PRKAG2: variants seen among roughly 807,000 people sequenced by gnomAD.
PRKAG2 encodes protein kinase AMP-activated non-catalytic subunit gamma 2.
PRKAG2 carries 26 observed loss-of-function variants against 69.6 expected under a neutral mutation model. That is an observed-to-expected ratio of 0.37 (90% confidence interval 0.27 to 0.52). PRKAG2 has a LOEUF of 0.52. Ranked by LOEUF, PRKAG2 falls within the 20% of genes least tolerant of loss-of-function variation. The pLI, the probability that PRKAG2 is intolerant of heterozygous loss-of-function variation, is 0.90. For synonymous variants in PRKAG2, 293 were observed against 285.0 expected (o/e 1.03, Z -0.28); for missense variants, 557 against 740.0 (o/e 0.75, Z 2.87).
chr7:151,707,460 C>A (rs1243586845), intron 3 of PRKAG2, among the ~76,000 whole-genome samples: 1 of 152,128 alleles, frequency 6.6e-6, no homozygotes, highest in Non-Finnish European at 1.5e-5. Flanking sequence ...TTCTTCCCGC[C>A]CTTGAGCCTG....
At chr7:151,762,626 G>A (rs548823712) in intron 3 of PRKAG2, among the ~76,000 whole-genome samples, 6 of 152,300 alleles carry the variant, frequency 3.9e-5, no homozygotes, top group East Asian at 1.9e-4. Flanking sequence ...ACTAGCCCAC[G>A]CACATCGACC....
intron 1 of PRKAG2, among the ~76,000 whole-genome samples, chr7:151,796,319 G>A (rs1393493653): frequency 1.3e-5 from 2 of 152,160 alleles, no homozygotes; most frequent in Non-Finnish European, 2.9e-5. Context: ...GGCCCAGTGA[G>A]ACACCCACAG....
At position 151,814,343 on chromosome 7, in the gene PRKAG2, G is replaced by C. The variant is rs1022906477; in HGVS notation, c.115-27802C>G. The stretch of plus-strand genomic sequence containing the variant: ...ACACCAAGGAGACAAAGCATCGTGA[G>C]GGGGAAAACCGCACACCCAGGGACG... On this transcript the variant is annotated intron_variant, in intron 1 of 15. Coordinates refer to ENST00000287878, the MANE Select transcript of PRKAG2 (RefSeq NM_016203.4). The surrounding 1 kb of genome is among the most constrained non-coding windows in gnomAD (Gnocchi z 4.8). The C allele has an allele frequency of 1.8e-5, 19 of 1,061,170 alleles. No individual in the cohort carries two copies. Among genetic ancestry groups the C allele is most frequent in the Admixed American group, 1.4e-4 (3 of 21,906 alleles). 65.7% of individuals were successfully genotyped at this position (1,061,170 alleles called of 1,614,324 possible).
At chr7:151,591,495 G>A (rs530122393) in intron 6 of PRKAG2, among the ~76,000 whole-genome samples, 8 of 152,260 alleles carry the variant, frequency 5.3e-5, no homozygotes, top group African/African-American at 1.4e-4. Context: ...CCGCAGAACC[G>A]GGGGTCTCAC....
At chr7:151,700,102 T>G (rs950261702) in intron 3 of PRKAG2, among the ~76,000 whole-genome samples, 1 of 152,200 alleles carries the variant, frequency 6.6e-6, no homozygotes, top group Non-Finnish European at 1.5e-5. Context: ...GGTCTTTGAA[T>G]AAGTCATTGC....
intron 10 of PRKAG2, among the ~76,000 whole-genome samples, chr7:151,569,386 G>A (rs1374821875): frequency 1.3e-5 from 2 of 152,204 alleles, no homozygotes; most frequent in African/African-American, 2.4e-5. Flanking sequence ...TTTGAAAGAC[G>A]ATGAAACCTA....
chr7:151,660,922 T>C (rs1042232000), intron 4 of PRKAG2, among the ~76,000 whole-genome samples: 3 of 152,250 alleles, frequency 2.0e-5, no homozygotes, highest in Admixed American at 1.3e-4. Flanking sequence ...ACACATAGCA[T>C]AGTTTGCCAT....
intron 6 of PRKAG2, 42 bp from the exon 7 acceptor site, chr7:151,576,494 A>C (rs1390481432): frequency 6.7e-7 from 1 of 1,499,536 alleles, no homozygotes; most frequent in Non-Finnish European, 9.3e-7. Context: ...TTCAAAGTCC[A>C]GGAAGAAAAA....
At chr7:151,622,589 G>C (rs1356139801) in intron 5 of PRKAG2, among the ~76,000 whole-genome samples, 3 of 152,150 alleles carry the variant, frequency 2.0e-5, no homozygotes, top group African/African-American at 7.2e-5. Context: ...ACCAACCCTA[G>C]GTCAGAATTG....
chr7:151,777,465 C>A lies in PRKAG2; in HGVS notation c.466+3687G>T, dbSNP rs1481598940. 2.0e-5 allele frequency among the ~76,000 whole-genome samples: 3 copies of A among 152,136 alleles called. No homozygotes were observed. Among genetic ancestry groups the A allele is most frequent in the Non-Finnish European group, 4.4e-5 (3 of 68,020 alleles). ...GCCTCATGAATGGCTGGGTTGCCTC[C>A]CTGCGGCAGTGAGTCCTGCTCTCTT... On this transcript the variant is annotated intron_variant, in intron 3 of 15. Coordinates refer to ENST00000287878, the MANE Select transcript of PRKAG2 (RefSeq NM_016203.4). This position sits in a 1 kb window ranked among gnomAD's most constrained non-coding sequence, Gnocchi z 4.3.
intron 15 of PRKAG2, chr7:151,557,592 G>A (rs577338792): frequency 9.6e-5 from 95 of 984,774 alleles, no homozygotes; most frequent in Admixed American, 1.2e-4. Context: ...GGTTTAGGCC[G>A]GGCGCGGTGG....
rs141151635 is a variant in PRKAG2, at chr7:151,713,756, G to A, written c.467-38119C>T. 1.4e-4 allele frequency among the ~76,000 whole-genome samples: 22 copies of A among 151,920 alleles called. No individual in the cohort carries two copies. The East Asian group carries it at 4.1e-3, about 28-fold the overall frequency. On this transcript the variant is annotated intron_variant, in intron 3 of 15. Coordinates refer to ENST00000287878, the MANE Select transcript of PRKAG2 (RefSeq NM_016203.4). ...CACCACACCCAGTTAATTTTTAAAT[G>A]TTTCATAGAGAAGGGGTCTATGTTG...
intron 3 of PRKAG2, among the ~76,000 whole-genome samples, chr7:151,680,373 G>A (rs905425568): frequency 2.0e-4 from 31 of 152,166 alleles, no homozygotes; most frequent in African/African-American, 6.0e-4. Flanking sequence ...CATTCCTGTC[G>A]GAACATGACA....
intron 3 of PRKAG2, among the ~76,000 whole-genome samples, chr7:151,696,370 C>T (rs1050349902): frequency 1.3e-5 from 2 of 152,158 alleles, no homozygotes; most frequent in Non-Finnish European, 2.9e-5. Flanking sequence ...AGTGGGGCTC[C>T]GGGGCAGCGC....
chr7:151,733,869 A>G (rs142718179), intron 3 of PRKAG2, among the ~76,000 whole-genome samples: 3,042 of 151,678 alleles, frequency 0.02, 50 homozygotes, highest in Admixed American at 0.053. Context: ...CTAATTTTTT[A>G]TTTTTTTGTA....
At chr7:151,801,205 C>T (rs1586597561) in intron 1 of PRKAG2, among the ~76,000 whole-genome samples, 1 of 152,296 alleles carries the variant, frequency 6.6e-6, no homozygotes, top group Non-Finnish European at 1.5e-5. Context: ...GCTCCAGGTC[C>T]TTCTAGAACA....
chr7:151,855,396 CCACACACCACCCTCCACATACACCATG>C (rs2079729497), intron 1 of PRKAG2, among the ~76,000 whole-genome samples: 18 of 12,742 alleles, frequency 1.4e-3, no homozygotes, highest in African/African-American at 2.0e-3. Context: ...CACACACCAT[CCACACACCACCCTCCACATACACCATG>C]CTCCACACAC....
chr7:151,658,283 T>C (rs1295430803), intron 4 of PRKAG2, among the ~76,000 whole-genome samples: 1 of 151,282 alleles, frequency 6.6e-6, no homozygotes, highest in Non-Finnish European at 1.5e-5. Flanking sequence ...GTCAGGAGTT[T>C]GAGAACAGCC....
chr7:151,825,352 C>T (rs566224002), intron 1 of PRKAG2, among the ~76,000 whole-genome samples: 1 of 152,338 alleles, frequency 6.6e-6, no homozygotes, highest in South Asian at 2.1e-4. Context: ...ATTAAATTCA[C>T]TTTATATTAT....
Sources: allele counts gnomAD v4.1 joint callset (sites outside exome capture counted in the v4.1 genomes callset), GRCh38; gene constraint gnomAD v4.1.1; non-coding constraint Gnocchi (gnomAD v3.1); transcripts MANE v1.5; gene names NCBI Gene and HGNC (gene_info 2026-07-23, HGNC 2026-07-21).